PDS5A: variants seen among roughly 807,000 people sequenced by gnomAD.
PDS5A encodes sister chromatid cohesion protein PDS5 homolog A.
PDS5A carries 42 observed loss-of-function variants against 167.1 expected under a neutral mutation model. The ratio of observed to expected loss-of-function variants is 0.25; its 90% CI spans 0.20 to 0.33. The LOEUF is 0.33. PDS5A is among the 10% of genes least tolerant of loss of function. PDS5A has a pLI of 1.00. For missense variants in PDS5A, 1,033 were observed against 1,605.9 expected (o/e 0.64, Z 6.10); for synonymous variants, 553 against 554.6 (o/e 1.00, Z 0.04).
chr4:39,917,149 T>C lies in PDS5A; in HGVS notation c.775A>G (p.Ser259Gly). The change falls in exon 8 of 33, where the codon AGT (serine) becomes GGT (glycine). Residue 259 changes from serine (S) to glycine (G), a missense_variant. Coordinates refer to ENST00000303538, the MANE Select transcript of PDS5A (RefSeq NM_001100399.2). ...TCAAATACATGTTCTGACAAATCACTTACTGATGATCTTCCCAGCACCAGG... is the reference window on the plus strand; with the variant it reads ...TCAAATACATGTTCTGACAAATCACCTACTGATGATCTTCCCAGCACCAGG... ...QVLVLGRSSV[S>G]DLSEHVFDLI... The C allele has an allele frequency of 6.4e-7, 1 of 1,565,516 alleles. No homozygotes were observed. The highest frequency in any genetic ancestry group is 1.2e-5 in the South Asian group (1 of 81,868).
intron 2 of PDS5A, among the ~76,000 whole-genome samples, chr4:39,945,417 C>T (rs986992188): frequency 3.5e-5 from 5 of 143,074 alleles, no homozygotes; most frequent in Non-Finnish European, 6.0e-5. Context: ...GCAGAGATCA[C>T]GCCATTGCAC....
At chr4:39,909,159 C>A (rs1212369559) in intron 10 of PDS5A, among the ~76,000 whole-genome samples, 1 of 150,986 alleles carries the variant, frequency 6.6e-6, no homozygotes, top group Non-Finnish European at 1.5e-5. Context: ...ACAAAAACAG[C>A]CTGTCACCCA....
At chr4:39,878,118 T>C (rs1022958064) in intron 18 of PDS5A, among the ~76,000 whole-genome samples, 2 of 151,962 alleles carry the variant, frequency 1.3e-5, no homozygotes, top group Non-Finnish European at 2.9e-5. Flanking sequence ...ATTAGGAAAA[T>C]AGAGAAGCAG....
intron 26 of PDS5A, among the ~76,000 whole-genome samples, chr4:39,850,560 A>T (rs1718040098): frequency 6.6e-6 from 1 of 152,210 alleles, no homozygotes; most frequent in Non-Finnish European, 1.5e-5. Flanking sequence ...ATCAACACAC[A>T]GCAGTCTTGG....
intron 30 of PDS5A, among the ~76,000 whole-genome samples, 164 bp downstream of exon 30, chr4:39,844,492 A>C (rs1337247289): frequency 2.8e-4 from 40 of 141,814 alleles, no homozygotes; most frequent in South Asian, 1.6e-3. Context: ...AAAAAAAAAA[A>C]AACAAAAAAA....
chr4:39,887,405 A>T (rs1721568705), intron 17 of PDS5A, among the ~76,000 whole-genome samples: 1 of 152,198 alleles, frequency 6.6e-6, no homozygotes, highest in Non-Finnish European at 1.5e-5. Context: ...TAATATGATG[A>T]ATCATGTTTA....
chr4:39,877,699 G>A (rs1720579220), intron 18 of PDS5A, among the ~76,000 whole-genome samples: 1 of 151,816 alleles, frequency 6.6e-6, no homozygotes, highest in Non-Finnish European at 1.5e-5. Context: ...GAATGTCACA[G>A]CTCACTGGGG....
At chr4:39,878,708 A>G (rs1314913043) in intron 18 of PDS5A, among the ~76,000 whole-genome samples, 22 of 152,178 alleles carry the variant, frequency 1.4e-4, no homozygotes, top group Non-Finnish European at 1.5e-5. Context: ...TTAAAATCTT[A>G]TTCATGAGGC....
chr4:39,937,369 T>C (rs1726720984), intron 2 of PDS5A, among the ~76,000 whole-genome samples: 1 of 152,166 alleles, frequency 6.6e-6, no homozygotes, highest in Admixed American at 6.6e-5. Flanking sequence ...GTCCAAATTA[T>C]TGTTCAGTAA....
At chr4:39,889,385 G>A (rs1721775522) in intron 17 of PDS5A, among the ~76,000 whole-genome samples, 1 of 152,232 alleles carries the variant, frequency 6.6e-6, no homozygotes, top group African/African-American at 2.4e-5. Flanking sequence ...ATTTTGTTAT[G>A]AAAGCCCTAG....
At chr4:39,898,302 A>G in intron 16 of PDS5A, 87 bp downstream of exon 16, 1 of 1,409,832 alleles carries the variant, frequency 7.1e-7, no homozygotes, top group South Asian at 1.7e-5. Flanking sequence ...ACATTTACAC[A>G]AATCACTGTA....
chr4:39,849,793 CTAA>C (rs1676442117), intron 26 of PDS5A, 141 bp from the exon 27 acceptor site: 3 of 541,652 alleles, frequency 5.5e-6, no homozygotes, highest in East Asian at 5.7e-5. Context: ...TGTTATTATC[CTAA>C]TAATATTCTA....
intron 16 of PDS5A, among the ~76,000 whole-genome samples, chr4:39,891,667 T>C (rs1406388424): frequency 7.5e-6 from 1 of 132,630 alleles, no homozygotes; most frequent in East Asian, 3.3e-4. Context: ...GAAACACATA[T>C]TCGTACATAT....
intron 5 of PDS5A, among the ~76,000 whole-genome samples, chr4:39,924,526 A>T (rs2109725586): frequency 6.6e-6 from 1 of 152,324 alleles, no homozygotes; most frequent in African/African-American, 2.4e-5. Context: ...CATTCCATCT[A>T]AGGAAAAAGA....
At chr4:39,837,524 C>G in intron 32 of PDS5A, 1 of 208,860 alleles carries the variant, frequency 4.8e-6, no homozygotes, top group Non-Finnish European at 9.4e-6. Flanking sequence ...GACCTTGTAT[C>G]CAAAAGGTAG....
At chr4:39,956,087 C>G (rs1728898665) in intron 2 of PDS5A, among the ~76,000 whole-genome samples, 1 of 146,706 alleles carries the variant, frequency 6.8e-6, no homozygotes, top group East Asian at 2.0e-4. Flanking sequence ...CACTGCACTC[C>G]AGCTTAAGAA....
chr4:39,893,915 A>G (rs998552192), intron 16 of PDS5A, among the ~76,000 whole-genome samples: 3 of 152,234 alleles, frequency 2.0e-5, no homozygotes, highest in Admixed American at 6.5e-5. Flanking sequence ...CTGATTGGCT[A>G]TACTGTGTGG....
At chr4:39,888,242 A>C (rs1465079944) in intron 17 of PDS5A, among the ~76,000 whole-genome samples, 26 of 73,108 alleles carry the variant, frequency 3.6e-4, no homozygotes, top group Non-Finnish European at 2.6e-4. Flanking sequence ...AGACTCCGGC[A>C]AAAAAAAAAA....
intron 2 of PDS5A, among the ~76,000 whole-genome samples, chr4:39,929,389 C>T (rs1011243703): frequency 2.0e-5 from 3 of 151,586 alleles, no homozygotes; most frequent in Admixed American, 1.3e-4. Flanking sequence ...ATCTTTCTCC[C>T]GTGCTGGATG....
Sources: allele counts gnomAD v4.1 joint callset (sites outside exome capture counted in the v4.1 genomes callset), GRCh38; gene constraint gnomAD v4.1.1; transcripts MANE v1.5; gene names NCBI Gene and HGNC (gene_info 2026-07-23, HGNC 2026-07-21).